The following BCAS3 variants were observed in gnomAD, a reference collection of about 807,000 sequenced individuals.
The protein encoded by BCAS3 is BCAS4/BCAS3 fusion.
A neutral mutation model predicts 116.1 loss-of-function variants in BCAS3; 53 were observed. The ratio of observed to expected loss-of-function variants is 0.46; its 90% confidence interval spans 0.37 to 0.57. The LOEUF is 0.57. Among genes scored for constraint, BCAS3 ranks in the 20% least tolerant of loss-of-function variants. The pLI is 0.00. For synonymous variants in BCAS3, 391 were observed against 408.2 expected (o/e 0.96, Z 0.51); for missense variants, 917 against 1,165.4 (o/e 0.79, Z 3.10).
rs2145524217 is a variant in BCAS3 at position 61,013,713 on chromosome 17, G to A, written c.1487-2038G>A. On this transcript the variant is annotated intron_variant, in intron 15 of 23. Transcript: ENST00000407086. This position sits in a 1 kb window ranked among gnomAD's most constrained non-coding sequence, Gnocchi z 4.4. Reference sequence around the variant, plus strand: ...AGAGAACGATTTATTTTATTTGCATGAATTTCTTATCTTTCCCCATATTTT... The same window carrying A: ...AGAGAACGATTTATTTTATTTGCATAAATTTCTTATCTTTCCCCATATTTT... Among the ~76,000 whole-genome samples, 1 of 152,160 alleles carries A rather than the reference G, an allele frequency of 6.6e-6. No individual in the cohort carries two copies.
chr17:60,973,264 T>A (rs1293519762), intron 14 of BCAS3, among the ~76,000 whole-genome samples: 1 of 152,148 alleles, frequency 6.6e-6, no homozygotes, highest in East Asian at 1.9e-4. Context: ...ATCAGTGATG[T>A]TAATTTCCTT....
In BCAS3 at chr17:61,205,676, A is replaced by G. The variant is rs192761394; in HGVS notation, c.2425+121112A>G. 2.6e-3 allele frequency among the ~76,000 whole-genome samples: 390 copies of G among 152,282 alleles called. 2 individuals are homozygous for G. Among genetic ancestry groups the G allele is most frequent in the African/African-American group, 9.0e-3 (372 of 41,556 alleles). ...AGCAGAGCAGGAGAAAGGGCTCCTC[A>G]TCAGAGGATATGCTTCTTTTATGTT... On this transcript the variant is annotated intron_variant, in intron 22 of 23. Coordinates refer to ENST00000407086, the MANE Select transcript of BCAS3 (RefSeq NM_017679.5). The surrounding 1 kb of genome is among the most constrained non-coding windows in gnomAD (Gnocchi z 5.2).
intron 14 of BCAS3, among the ~76,000 whole-genome samples, chr17:60,966,595 A>C (rs927052004): frequency 6.6e-6 from 1 of 152,166 alleles, no homozygotes; most frequent in Non-Finnish European, 1.5e-5. Context: ...CACAAATAGA[A>C]GAGTAGAAAC....
intron 22 of BCAS3, among the ~76,000 whole-genome samples, chr17:61,292,163 G>A (rs947490649): frequency 2.6e-5 from 4 of 152,028 alleles, no homozygotes; most frequent in African/African-American, 9.7e-5. Flanking sequence ...TGCAGAACTT[G>A]GCACCCACCC....
In BCAS3 at chr17:61,392,061, A is replaced by G. The variant is rs746857892; in HGVS notation, c.2678A>G (p.Tyr893Cys). Reference sequence around the variant, plus strand: ...AGCATACCAAGAAACTTTGATGGCTACCGATCTCCGCTGCCCACCAATGAG... The same window carrying G: ...AGCATACCAAGAAACTTTGATGGCTGCCGATCTCCGCTGCCCACCAATGAG... ...SGSIPRNFDG[Y>C]RSPLPTNESQ... The change falls in exon 24 of 24, where the codon TAC (tyrosine) becomes TGC (cysteine). Residue 893 changes from tyrosine (Y) to cysteine (C), a missense_variant. Tyr to Cys is a radical substitution (Grantham distance 194). Transcript: ENST00000407086. The surrounding 1 kb of genome is among the most constrained non-coding windows in gnomAD (Gnocchi z 6.4). 3 of 1,613,748 alleles carry G rather than the reference A, an allele frequency of 1.9e-6. No homozygotes were observed. The highest frequency in any genetic ancestry group is 1.1e-5 in the South Asian group (1 of 91,074).
chr17:60,794,274 G>A (rs1240219748), intron 6 of BCAS3, among the ~76,000 whole-genome samples: 2 of 152,136 alleles, frequency 1.3e-5, no homozygotes, highest in East Asian at 3.9e-4. Flanking sequence ...TTACTAATTG[G>A]TTTGAGTTCG....
intron 5 of BCAS3, among the ~76,000 whole-genome samples, chr17:60,710,580 C>T (rs544072875): frequency 5.7e-4 from 87 of 151,682 alleles, no homozygotes; most frequent in Middle Eastern, 3.4e-3. Flanking sequence ...TATAGGCGCC[C>T]GCCACCACGC....
chr17:61,046,724 G>A (rs138981167), intron 19 of BCAS3, among the ~76,000 whole-genome samples: 1 of 151,816 alleles, frequency 6.6e-6, no homozygotes, highest in Non-Finnish European at 1.5e-5. Context: ...GGATATGGAA[G>A]GCTGACTGTA....
chr17:60,746,357 A>G (rs1018233459), intron 5 of BCAS3, among the ~76,000 whole-genome samples: 4 of 152,138 alleles, frequency 2.6e-5, no homozygotes, highest in East Asian at 1.9e-4. Flanking sequence ...CAGTGCTTCA[A>G]TGAGCAGTTT....
rs187093106 is a variant in BCAS3 at position 61,146,845 on chromosome 17, C to T, written c.2425+62281C>T. On this transcript the variant is annotated intron_variant, in intron 22 of 23. Coordinates refer to ENST00000407086, the MANE Select transcript of BCAS3 (RefSeq NM_017679.5). Reference sequence around the variant, plus strand: ...ATAATATTTCAGAGGGGAACATGCACTTGCTAGAGAAAATGAAAATATTTC... The same window carrying T: ...ATAATATTTCAGAGGGGAACATGCATTTGCTAGAGAAAATGAAAATATTTC... Among the ~76,000 whole-genome samples the T allele has an allele frequency of 2.3e-3, 346 of 152,134 alleles. 5 individuals are homozygous for T. Among genetic ancestry groups the T allele is most frequent in the Non-Finnish European group, 2.5e-4 (17 of 67,998 alleles).
At chr17:60,997,941 G>A (rs148456463) in intron 15 of BCAS3, among the ~76,000 whole-genome samples, 144 of 152,204 alleles carry the variant, frequency 9.5e-4, no homozygotes, top group Non-Finnish European at 1.5e-3. Flanking sequence ...CATTGATTCC[G>A]TCACCCACAT....
chr17:60,985,851 C>T (rs2145416671), intron 14 of BCAS3, among the ~76,000 whole-genome samples: 1 of 152,308 alleles, frequency 6.6e-6, no homozygotes, highest in South Asian at 2.1e-4. Flanking sequence ...TTTCTTCCAC[C>T]TCAGTCTCCC....
chr17:61,284,103 G>A (rs2144676862), intron 22 of BCAS3, among the ~76,000 whole-genome samples: 1 of 152,270 alleles, frequency 6.6e-6, no homozygotes, highest in South Asian at 2.1e-4. Flanking sequence ...TCTGTGTCTA[G>A]CTAAAGGTTT....
At chr17:60,751,821 G>A (rs1408821843) in intron 6 of BCAS3, among the ~76,000 whole-genome samples, 1 of 152,096 alleles carries the variant, frequency 6.6e-6, no homozygotes, top group African/African-American at 2.4e-5. Flanking sequence ...GGGATTACAG[G>A]TGTGAGCCAC....
At position 60,924,385 on chromosome 17, in the gene BCAS3, T is replaced by C. The variant is rs116024520; in HGVS notation, c.994-22T>C. 1.6e-5 allele frequency: 26 copies of C among 1,607,266 alleles called. No individual in the cohort carries two copies. In the African/African-American group the frequency reaches 2.9e-4, roughly 18 times the overall value. ...TCAGTGAGAAAATATTTACCTCCAT[T>C]TGTCTTTATTTCTTTGTGAAGGTGC... On this transcript the variant is annotated intron_variant, in intron 12 of 23. Transcript: ENST00000407086.
intron 6 of BCAS3, among the ~76,000 whole-genome samples, 179 bp from the exon 7 acceptor site, chr17:60,807,825 A>T (rs905115545): frequency 6.6e-6 from 1 of 151,884 alleles, no homozygotes; most frequent in East Asian, 1.9e-4. Flanking sequence ...AAATGATTAC[A>T]TATATATAAT....
In BCAS3 at chr17:61,128,323, T is replaced by C. The variant is rs1246069738; in HGVS notation, c.2425+43759T>C. ...GATGCAGAGGAGAGACTTAGTGAAA[T>C]ATGCAGAGCTCCATTCCAGTTCCTT... On this transcript the variant is annotated intron_variant, in intron 22 of 23. Transcript: ENST00000407086. The surrounding 1 kb of genome is among the most constrained non-coding windows in gnomAD (Gnocchi z 4.1). 11 of 985,286 alleles carry C rather than the reference T, an allele frequency of 1.1e-5. No individual in the cohort carries two copies. Among genetic ancestry groups the C allele is most frequent in the Non-Finnish European group, 1.3e-5 (11 of 829,928 alleles). 61.0% of individuals were successfully genotyped at this position (985,286 alleles called of 1,614,324 possible). A position where few individuals can be genotyped will look rare whatever the true frequency, so the allele number is the denominator to read the frequency against.
chr17:61,056,046 G>T lies in BCAS3; in HGVS notation c.2029+15154G>T, dbSNP rs1430007799. Among the ~76,000 whole-genome samples, 3 of 152,132 alleles carry T rather than the reference G, an allele frequency of 2.0e-5. No homozygotes were observed. The highest frequency in any genetic ancestry group is 4.4e-5 in the Non-Finnish European group (3 of 68,026). On this transcript the variant is annotated intron_variant, in intron 19 of 23. Transcript: ENST00000407086. The surrounding 1 kb of genome is among the most constrained non-coding windows in gnomAD (Gnocchi z 4.9). ...TTCTGCCCAAACTGGTAGTAACCAGGCTGGAAAAGGATTTGACCCTTCCTT... is the reference window on the plus strand; with the variant it reads ...TTCTGCCCAAACTGGTAGTAACCAGTCTGGAAAAGGATTTGACCCTTCCTT...
intron 22 of BCAS3, among the ~76,000 whole-genome samples, chr17:61,253,035 A>AT (rs1015300294): frequency 6.6e-6 from 1 of 151,494 alleles, no homozygotes; most frequent in Non-Finnish European, 1.5e-5. Flanking sequence ...ATGTGCTACC[A>AT]TGCCTAATTT....
Sources: gnomAD v4.1 joint callset for allele counts (sites outside exome capture counted in the v4.1 genomes callset) on GRCh38, gnomAD v4.1.1 for gene constraint, Gnocchi (gnomAD v3.1) non-coding constraint, MANE v1.5 for transcripts, NCBI Gene and HGNC (gene_info 2026-07-23, HGNC 2026-07-21) for gene names.